ANK2: variants seen among roughly 807,000 people sequenced by gnomAD.
ANK2 encodes the protein ankyrin-2.
ANK2 carries 83 observed loss-of-function variants against 360.5 expected under a neutral mutation model. The ratio of observed to expected loss-of-function variants is 0.23; its 90% CI spans 0.19 to 0.28. The LOEUF (loss-of-function observed/expected upper bound fraction) is 0.28, where lower values mean the gene tolerates loss of function less well. Ranked by LOEUF, ANK2 falls within the 10% of genes least tolerant of loss-of-function variation. The pLI is 1.00. For synonymous variants in ANK2, 1,740 were observed against 1,759.5 expected, an observed-to-expected ratio of 0.99 and a Z score of 0.28; for missense variants, 4,201 against 4,795.7, an observed-to-expected ratio of 0.88 and a Z score of 3.66.
intron 34 of ANK2, among the ~76,000 whole-genome samples, chr4:113,343,872 A>G (rs1029020910): frequency 3.9e-5 from 6 of 152,184 alleles, no homozygotes; most frequent in African/African-American, 1.2e-4. Flanking sequence ...CTAACGCTCA[A>G]TCCTCTTAGG....
intron 13 of ANK2, among the ~76,000 whole-genome samples, chr4:113,262,171 T>C (rs1459135136): frequency 6.6e-6 from 1 of 152,226 alleles, no homozygotes; most frequent in African/African-American, 2.4e-5. Flanking sequence ...CTACCAAAAT[T>C]AGTAAAATTG....
chr4:113,223,138 G>T (rs180764868), intron 4 of ANK2, among the ~76,000 whole-genome samples: 1 of 152,260 alleles, frequency 6.6e-6, no homozygotes, highest in Admixed American at 6.5e-5. Flanking sequence ...ACAATTTGGG[G>T]ATGTTTTCCA....
chr4:113,174,569 C>T, intron 2 of ANK2, 52 bp downstream of exon 2: 1 of 1,300,612 alleles, frequency 7.7e-7, no homozygotes, highest in Non-Finnish European at 1.1e-6. Context: ...ACACTCATTA[C>T]ATTCTCAGAG....
the ANK2 span, among the ~76,000 whole-genome samples, chr4:112,812,193 G>T: frequency 1.7e-5 from 2 of 120,412 alleles, no homozygotes; most frequent in African/African-American, 7.6e-5. Context: ...TGGTATAATA[G>T]TTACCTCAAT....
At chr4:113,113,194 T>TC (rs72341283) in intron 1 of ANK2, among the ~76,000 whole-genome samples, 1,581 of 121,272 alleles carry the variant, frequency 0.013, 10 homozygotes, top group Non-Finnish European at 0.019. Context: ...CTTTTTTTTT[T>TC]TTCCCTGATT....
the ANK2 span, among the ~76,000 whole-genome samples, chr4:112,741,729 A>G: frequency 3.3e-5 from 5 of 152,050 alleles, no homozygotes; most frequent in Non-Finnish European, 7.4e-5. Flanking sequence ...CATGCTTGTA[A>G]TAGCTACTGG....
At position 113,021,541 on chromosome 4, in the gene ANK2, C is replaced by CACACACACACACACATAT. The variant is rs1489947974; in HGVS notation, c.21+117028_21+117029insCACACACACACACATATA. ...ATACACACACACACCCACACACAAA[C>CACACACACACACACATAT]ATATATATATATATATATATATATA... On this transcript the variant is annotated intron_variant, in intron 2 of 30. Coordinates refer to the ANK2 transcript ENST00000503271. Among the ~76,000 whole-genome samples, 319 of 95,610 alleles carry CACACACACACACACATAT rather than the reference C, an allele frequency of 3.3e-3. 22 individuals carry two copies. Among genetic ancestry groups the CACACACACACACACATAT allele is most frequent in the Middle Eastern group, 0.012 (2 of 168 alleles). 62.7% of individuals were successfully genotyped at this position (95,610 alleles called of 152,430 possible). A position where few individuals can be genotyped will look rare whatever the true frequency, so the allele number is the denominator to read the frequency against.
At chr4:113,026,096 A>G (rs1390508102) in intron 2 of ANK2, among the ~76,000 whole-genome samples, 2 of 152,140 alleles carry the variant, frequency 1.3e-5, no homozygotes, top group South Asian at 2.1e-4. Flanking sequence ...CCTCTTTACT[A>G]TAAGGAAACA....
At chr4:112,828,660 A>G (rs1218866032) in intron 1 of ANK2, among the ~76,000 whole-genome samples, 1 of 152,220 alleles carries the variant, frequency 6.6e-6, no homozygotes, top group Non-Finnish European at 1.5e-5. Flanking sequence ...TTGCAACAAA[A>G]CAAAAAATTG....
At chr4:112,821,511 A>T (rs80255254) in intron 1 of ANK2, among the ~76,000 whole-genome samples, 22,487 of 138,394 alleles carry the variant, frequency 0.16, 2,353 homozygotes, top group East Asian at 0.55. Flanking sequence ...TTTTTTTTTT[A>T]TTTTTTTTTT....
intron 3 of ANK2, among the ~76,000 whole-genome samples, chr4:113,197,250 A>T (rs1276307885): frequency 1.3e-5 from 2 of 152,200 alleles, no homozygotes; most frequent in African/African-American, 2.4e-5. Context: ...TTATCATCAT[A>T]ATGTGTTTGG....
intron 1 of ANK2, among the ~76,000 whole-genome samples, chr4:113,081,857 T>G (rs1281262009): frequency 6.6e-6 from 1 of 151,750 alleles, no homozygotes; most frequent in African/African-American, 2.4e-5. Flanking sequence ...TCAACTAAGC[T>G]GGAGTGCAAT....
At chr4:112,874,439 G>C (rs1004576768) in intron 1 of ANK2, among the ~76,000 whole-genome samples, 1 of 149,412 alleles carries the variant, frequency 6.7e-6, no homozygotes, top group Non-Finnish European at 1.5e-5. Context: ...TCAGGTGTTT[G>C]AGACCAGCCT....
intron 2 of ANK2, among the ~76,000 whole-genome samples, chr4:113,044,173 C>T (rs2063674735): frequency 6.6e-6 from 1 of 152,068 alleles, no homozygotes; most frequent in South Asian, 2.1e-4. Context: ...ATAAACAACA[C>T]CATAATCTCA....
the ANK2 span, among the ~76,000 whole-genome samples, chr4:112,719,933 A>G: frequency 6.6e-6 from 1 of 152,152 alleles, no homozygotes; most frequent in Non-Finnish European, 1.5e-5. Flanking sequence ...GGGAGTTATC[A>G]GAAGTTCTGA....
chr4:113,265,757 G>A (rs2055626542), intron 14 of ANK2, among the ~76,000 whole-genome samples: 1 of 151,908 alleles, frequency 6.6e-6, no homozygotes, highest in Non-Finnish European at 1.5e-5. Flanking sequence ...ATGTGGTTTG[G>A]TTAACTTTTG....
intron 2 of ANK2, among the ~76,000 whole-genome samples, chr4:113,000,619 A>G (rs2050256300): frequency 1.3e-5 from 2 of 152,232 alleles, no homozygotes; most frequent in African/African-American, 2.4e-5. Context: ...ATAGAATGAT[A>G]TGAAAAAAAT....
chr4:112,802,246 A>G, the ANK2 span, among the ~76,000 whole-genome samples: 2 of 152,154 alleles, frequency 1.3e-5, no homozygotes, highest in African/African-American at 4.8e-5. Flanking sequence ...ACTGTTGTTC[A>G]TATTTGAATT....
chr4:112,825,703 A>G (rs1446097506), intron 1 of ANK2, among the ~76,000 whole-genome samples: 3 of 152,224 alleles, frequency 2.0e-5, no homozygotes, highest in South Asian at 2.1e-4. Context: ...TTTACATGAC[A>G]TAAGAGCCTT....
Sources: allele counts gnomAD v4.1 joint callset (sites outside exome capture counted in the v4.1 genomes callset), GRCh38; gene constraint gnomAD v4.1.1; transcripts MANE v1.5; gene names NCBI Gene and HGNC (gene_info 2026-07-23, HGNC 2026-07-21).